Variants in SCAPER observed in about 807,000 individuals in gnomAD.
SCAPER encodes the protein S phase cyclin A-associated protein in the endoplasmic reticulum.
Under a neutral mutation model 182.2 loss-of-function variants are expected in SCAPER, and 98 were observed. That is an observed-to-expected ratio of 0.54 (90% CI 0.46 to 0.64). SCAPER has a LOEUF of 0.64. Ranked by LOEUF, SCAPER falls within the 30% of genes least tolerant of loss-of-function variation. The pLI is 0.00. For missense variants in SCAPER, 1,432 were observed against 1,690.0 expected (o/e 0.85, Z 2.68); for synonymous variants, 605 against 564.6 (o/e 1.07, Z -1.01).
intron 5 of SCAPER, among the ~76,000 whole-genome samples, chr15:76,836,735 G>A (rs897781163): frequency 1.3e-5 from 2 of 151,924 alleles, no homozygotes; most frequent in Non-Finnish European, 2.9e-5. Flanking sequence ...TTAGCCGGGC[G>A]TGGTGGCAGG....
At chr15:76,519,819 G>A (rs1241442687) in intron 23 of SCAPER, among the ~76,000 whole-genome samples, 1 of 152,156 alleles carries the variant, frequency 6.6e-6, no homozygotes, top group Non-Finnish European at 1.5e-5. Flanking sequence ...AGCTAAATAA[G>A]TGCCTAATAA....
At position 76,687,783 on chromosome 15, in the gene SCAPER, T is replaced by C. The variant is rs2058115065; in HGVS notation, c.2508+13975A>G. Among the ~76,000 whole-genome samples the C allele has an allele frequency of 2.6e-5, 4 of 152,370 alleles. No individual in the cohort carries two copies. The South Asian group carries it at 8.3e-4, about 32-fold the overall frequency. ...AAGGACATGAACTCATCCTTTTTTA[T>C]GGCTGCATAATATTCCATGGTGTGC... On this transcript the variant is annotated intron_variant, in intron 20 of 31. Transcript: ENST00000563290.
intron 2 of SCAPER, among the ~76,000 whole-genome samples, chr15:76,866,260 C>CGT (rs965292328): frequency 2.1e-4 from 30 of 146,154 alleles, no homozygotes. Flanking sequence ...TGTGTGTGTG[C>CGT]GTGTGTGTGT....
At chr15:76,781,787 T>C (rs1313066183) in intron 8 of SCAPER, among the ~76,000 whole-genome samples, 3 of 152,122 alleles carry the variant, frequency 2.0e-5, no homozygotes, top group Non-Finnish European at 4.4e-5. Context: ...CCAGCCAAAC[T>C]AAGCTTCATA....
chr15:76,485,863 A>G (rs1459077110), intron 24 of SCAPER, among the ~76,000 whole-genome samples: 1 of 152,190 alleles, frequency 6.6e-6, no homozygotes, highest in Non-Finnish European at 1.5e-5. Context: ...CCCCTTCCTT[A>G]CACCACATGC....
At chr15:76,762,676 T>C (rs1030349967) in intron 14 of SCAPER, among the ~76,000 whole-genome samples, 3 of 152,144 alleles carry the variant, frequency 2.0e-5, no homozygotes, top group Non-Finnish European at 2.9e-5. Flanking sequence ...AGTAACAGGA[T>C]GCGGCTCTAT....
At chr15:76,515,667 A>T (rs1479255038) in intron 23 of SCAPER, among the ~76,000 whole-genome samples, 1 of 151,938 alleles carries the variant, frequency 6.6e-6, no homozygotes, top group Non-Finnish European at 1.5e-5. Flanking sequence ...TTCTTTACTG[A>T]TTTTTCTATT....
intron 10 of SCAPER, among the ~76,000 whole-genome samples, chr15:76,770,258 A>G (rs1182997278): frequency 6.6e-6 from 1 of 152,052 alleles, no homozygotes; most frequent in Non-Finnish European, 1.5e-5. Context: ...AAAGTAAATG[A>G]CGAGTTGATG....
At chr15:76,843,915 T>C (rs1284148236) in intron 4 of SCAPER, among the ~76,000 whole-genome samples, 1 of 152,214 alleles carries the variant, frequency 6.6e-6, no homozygotes, top group Non-Finnish European at 1.5e-5. Context: ...CATCTAACAT[T>C]CATGATATAC....
At position 76,376,307 on chromosome 15, in the gene SCAPER, A is replaced by G. The variant is rs761222341; in HGVS notation, c.3710T>C (p.Ile1237Thr). The G allele has an allele frequency of 1.9e-6, 3 of 1,611,030 alleles. No homozygotes were observed. The highest frequency in any genetic ancestry group is 2.5e-6 in the Non-Finnish European group (3 of 1,178,368). Residue 1237 changes from isoleucine (I) to threonine (T), a missense_variant, in exon 29 of 32, where the codon ATT becomes ACT. By Grantham distance (89) the Ile-to-Thr change is moderately conservative (BLOSUM62 -1). Transcript: ENST00000563290. Reference protein sequence around the residue: ...AALHLPAFQSIVGAEGLSLAF... With the variant: ...AALHLPAFQSTVGAEGLSLAF... The stretch of plus-strand genomic sequence containing the variant: ...AAGGGACAAGCCCTCTGCCCCTACA[A>G]TAGACTGACAAAGACAAGGAGCAGT...
intron 2 of SCAPER, among the ~76,000 whole-genome samples, chr15:76,880,947 T>C (rs990589852): frequency 1.3e-5 from 2 of 152,172 alleles, no homozygotes; most frequent in Non-Finnish European, 2.9e-5. Flanking sequence ...CCTTGTGCAC[T>C]GTTGGTGGGA....
chr15:76,891,098 G>A (rs2074138718), intron 1 of SCAPER, among the ~76,000 whole-genome samples: 1 of 152,114 alleles, frequency 6.6e-6, no homozygotes, highest in South Asian at 2.1e-4. Flanking sequence ...ATGCAGAAAA[G>A]GCCTTTGACA....
intron 28 of SCAPER, among the ~76,000 whole-genome samples, chr15:76,379,464 T>C (rs1285489373): frequency 1.3e-5 from 2 of 149,816 alleles, no homozygotes; most frequent in Non-Finnish European, 3.0e-5. Context: ...TTTTTATTTA[T>C]TTTGTTATTT....
intron 29 of SCAPER, among the ~76,000 whole-genome samples, chr15:76,372,133 C>T (rs955122460): frequency 6.6e-6 from 1 of 152,042 alleles, no homozygotes; most frequent in African/African-American, 2.4e-5. Flanking sequence ...AAGTGGATGT[C>T]CAGTTTAGTA....
At chr15:76,639,863 A>C (rs546059110) in intron 21 of SCAPER, among the ~76,000 whole-genome samples, 2 of 152,254 alleles carry the variant, frequency 1.3e-5, no homozygotes, top group African/African-American at 4.8e-5. Context: ...TAGTTCAAAA[A>C]CCAACATAAT....
At chr15:76,542,437 C>T (rs747453175) in intron 23 of SCAPER, among the ~76,000 whole-genome samples, 2 of 151,898 alleles carry the variant, frequency 1.3e-5, no homozygotes, top group South Asian at 2.1e-4. Flanking sequence ...GCAGGAGAAT[C>T]GCTTGAACCT....
intron 24 of SCAPER, among the ~76,000 whole-genome samples, chr15:76,476,595 ATTTTTTTTTTTTTT>A (rs5813839): frequency 1.5e-4 from 11 of 73,500 alleles, no homozygotes; most frequent in Non-Finnish European, 2.1e-4. Flanking sequence ...CACCCAGCTA[ATTTTTTTTTTTTTT>A]TTTTTTTTTT....
At chr15:76,721,535 A>G (rs2060242739) in intron 17 of SCAPER, among the ~76,000 whole-genome samples, 1 of 151,774 alleles carries the variant, frequency 6.6e-6, no homozygotes, top group Non-Finnish European at 1.5e-5. Context: ...CATTTTCACG[A>G]TATTGATTCT....
intron 20 of SCAPER, among the ~76,000 whole-genome samples, chr15:76,693,636 T>A (rs1405578773): frequency 1.3e-5 from 2 of 152,144 alleles, no homozygotes; most frequent in Admixed American, 6.5e-5. Flanking sequence ...CACAATTGAA[T>A]ATGATTAAAT....
Sources: gnomAD v4.1 joint callset for allele counts (sites outside exome capture counted in the v4.1 genomes callset) on GRCh38, gnomAD v4.1.1 for gene constraint, MANE v1.5 for transcripts, NCBI Gene and HGNC (gene_info 2026-07-23, HGNC 2026-07-21) for gene names.